Variants in BCL2L13 observed in about 807,000 individuals in gnomAD.
The protein encoded by BCL2L13 is bcl-2-like protein 13.
BCL2L13 carries 13 observed loss-of-function variants against 25.8 expected under a neutral mutation model. The observed-to-expected ratio is 0.50, with a 90% CI of 0.33 to 0.80. BCL2L13 has a LOEUF of 0.80. BCL2L13 is among the 30% of genes least tolerant of loss of function. The pLI is 0.02. For synonymous variants in BCL2L13, 244 were observed against 230.3 expected, an observed-to-expected ratio of 1.06 and a Z score of -0.54; for missense variants, 504 against 574.9, an observed-to-expected ratio of 0.88 and a Z score of 1.26.
In BCL2L13 at chr22:17,696,204, G is replaced by T; in HGVS notation, c.450G>T (p.Trp150Cys). ...TLETTVHASG[W>C]NKILVPLVLL... ...AGACCACAGTTCATGCCAGCGGCTG[G>T]AATAAGGTATCATCACAATGATCTT... The change falls in exon 5 of 7, where the codon TGG (tryptophan) becomes TGT (cysteine). Residue 150 changes from tryptophan (W) to cysteine (C), a missense_variant. By Grantham distance (215) the Trp-to-Cys change is radical (BLOSUM62 -2). Transcript: ENST00000317582. 3.1e-6 allele frequency: 5 copies of T among 1,613,210 alleles called. No individual in the cohort carries two copies. The highest frequency in any genetic ancestry group is 4.2e-6 in the Non-Finnish European group (5 of 1,179,258).
intron 2 of BCL2L13, among the ~76,000 whole-genome samples, chr22:17,669,951 T>A (rs569247991): frequency 6.6e-6 from 1 of 152,328 alleles, no homozygotes; most frequent in African/African-American, 2.4e-5. Context: ...TATTCTTTCA[T>A]AAACAAAAGA....
chr22:17,667,352 A>G (rs1217625525), intron 2 of BCL2L13, among the ~76,000 whole-genome samples: 1 of 151,902 alleles, frequency 6.6e-6, no homozygotes, highest in Non-Finnish European at 1.5e-5. Flanking sequence ...TTGTATTTTT[A>G]GTACAGATGG....
intron 4 of BCL2L13, among the ~76,000 whole-genome samples, chr22:17,689,840 C>T (rs2060052056): frequency 1.4e-5 from 1 of 73,220 alleles, no homozygotes. Flanking sequence ...GAGACTCCAT[C>T]TCAAAAAAAA....
At chr22:17,632,752 C>CTTCT (rs2058050855) in intron 1 of BCL2L13, among the ~76,000 whole-genome samples, 1 of 124,384 alleles carries the variant, frequency 8.0e-6, no homozygotes, top group Non-Finnish European at 1.7e-5. Flanking sequence ...GATTCTTCTT[C>CTTCT]TTTTTTTTTT....
intron 2 of BCL2L13, among the ~76,000 whole-genome samples, chr22:17,680,712 C>T (rs962724865): frequency 1.3e-5 from 2 of 151,584 alleles, no homozygotes; most frequent in Middle Eastern, 3.2e-3. Context: ...AGTGCAGACA[C>T]GGTAAGGAAT....
rs185254692 is a variant in BCL2L13 at position 17,667,607 on chromosome 22, C to T, written c.121+11775C>T. The stretch of plus-strand genomic sequence containing the variant: ...CACTGCAACCTCAGCCTCCCAGGTT[C>T]AAGCGATTCTCCTGCCCCCACCTCC... On this transcript the variant is annotated intron_variant, in intron 2 of 6. Coordinates refer to ENST00000317582, the MANE Select transcript of BCL2L13 (RefSeq NM_015367.4). Among the ~76,000 whole-genome samples the T allele has an allele frequency of 1.1e-4, 17 of 152,170 alleles. No individual in the cohort carries two copies. The East Asian group carries it at 3.3e-3, about 29-fold the overall frequency.
chr22:17,699,620 G>A (rs1287341268), intron 5 of BCL2L13, among the ~76,000 whole-genome samples: 1 of 152,148 alleles, frequency 6.6e-6, no homozygotes, highest in Non-Finnish European at 1.5e-5. Context: ...ATCCAGTAAG[G>A]AAATGACTTT....
upstream of BCL2L13, among the ~76,000 whole-genome samples, chr22:17,635,403 C>T (rs1049220039): frequency 2.0e-5 from 3 of 151,016 alleles, no homozygotes; most frequent in African/African-American, 7.3e-5. Flanking sequence ...TAAAAAAACT[C>T]CAAATACCAT....
At chr22:17,696,086 G>T (rs2060255937) in intron 4 of BCL2L13, 55 bp from the exon 5 acceptor site, 3 of 1,329,450 alleles carry the variant, frequency 2.3e-6, no homozygotes, top group Non-Finnish European at 2.2e-6. Flanking sequence ...GTATTCATCT[G>T]GAAATACAGA....
intron 3 of BCL2L13, chr22:17,684,471 C>A: frequency 2.4e-6 from 1 of 420,278 alleles, no homozygotes; most frequent in South Asian, 1.7e-5. Context: ...GCCCCAACCC[C>A]ACCCCACACC....
intron 2 of BCL2L13, among the ~76,000 whole-genome samples, chr22:17,673,338 T>C (rs1255930623): frequency 4.6e-5 from 7 of 150,832 alleles, no homozygotes; most frequent in Non-Finnish European, 8.8e-5. Flanking sequence ...TGATGCAATA[T>C]GACTTCTCAT....
intron 2 of BCL2L13, among the ~76,000 whole-genome samples, chr22:17,656,463 T>C (rs2058869097): frequency 7.2e-6 from 1 of 139,292 alleles, no homozygotes; most frequent in Admixed American, 7.7e-5. Context: ...CGATTCTGCC[T>C]CAGCCTCCCG....
chr22:17,666,876 C>T (rs929331770), intron 2 of BCL2L13, among the ~76,000 whole-genome samples: 16 of 151,644 alleles, frequency 1.1e-4, no homozygotes, highest in Non-Finnish European at 1.6e-4. Flanking sequence ...TTAGTAGAGA[C>T]GGGGTTTCAC....
At chr22:17,667,371 A>G (rs761032404) in intron 2 of BCL2L13, among the ~76,000 whole-genome samples, 2 of 152,038 alleles carry the variant, frequency 1.3e-5, no homozygotes, top group Admixed American at 6.6e-5. Flanking sequence ...GGGTTTCGCC[A>G]TGTTGGTCAG....
chr22:17,722,247 G>T (rs1410756760), intron 6 of BCL2L13, among the ~76,000 whole-genome samples: 1 of 151,500 alleles, frequency 6.6e-6, no homozygotes, highest in Non-Finnish European at 1.5e-5. Flanking sequence ...TTTTGGAATT[G>T]AGACAAGATC....
chr22:17,649,451 A>G (rs1037175251), intron 1 of BCL2L13, among the ~76,000 whole-genome samples: 38 of 152,100 alleles, frequency 2.5e-4, no homozygotes, highest in Non-Finnish European at 3.8e-4. Flanking sequence ...TCTTCCTGCT[A>G]CCAAAGAAAT....
intron 1 of BCL2L13, among the ~76,000 whole-genome samples, chr22:17,650,991 C>CT (rs35235295): frequency 0.57 from 60,101 of 105,386 alleles, 19,368 homozygotes; most frequent in East Asian, 0.74. Context: ...CCATTCACTC[C>CT]TTTTTTTTTT....
In BCL2L13 at chr22:17,674,926, A is replaced by T. The variant is rs563874410; in HGVS notation, c.122-8288A>T. ...AAAAATCCAAATAGTAAATAAAAAA[A>T]TCAGGAGTAGGAAAATTGTACATGT... On this transcript the variant is annotated intron_variant, in intron 2 of 6. Coordinates refer to ENST00000317582, the MANE Select transcript of BCL2L13 (RefSeq NM_015367.4). 5.7e-3 allele frequency among the ~76,000 whole-genome samples: 864 copies of T among 152,318 alleles called. 13 individuals carry two copies. The highest frequency in any genetic ancestry group is 0.02 in the African/African-American group (844 of 41,562).
At chr22:17,684,242 G>C (rs1311296831) in intron 3 of BCL2L13, among the ~76,000 whole-genome samples, 1 of 152,134 alleles carries the variant, frequency 6.6e-6, no homozygotes, top group Non-Finnish European at 1.5e-5. Context: ...AAGGCCTCAG[G>C]AGGGTTGCTT....
Sources: allele counts gnomAD v4.1 joint callset (sites outside exome capture counted in the v4.1 genomes callset), GRCh38; gene constraint gnomAD v4.1.1; transcripts MANE v1.5; gene names NCBI Gene and HGNC (gene_info 2026-07-23, HGNC 2026-07-21).